The following IMMP2L variants were observed in gnomAD, a reference collection of about 807,000 sequenced individuals.
IMMP2L encodes mitochondrial inner membrane protease subunit 2.
A neutral mutation model predicts 19.3 loss-of-function variants in IMMP2L; 18 were observed. The observed-to-expected ratio is 0.93, with a 90% CI of 0.64 to 1.38. The LOEUF (loss-of-function observed/expected upper bound fraction) is 1.38. IMMP2L is among the 40% of genes most tolerant of loss of function. IMMP2L has a pLI of 0.00. For synonymous variants in IMMP2L, 76 were observed against 73.0 expected (o/e 1.04, Z -0.21); for missense variants, 233 against 218.2 (o/e 1.07, Z -0.43).
intron 3 of IMMP2L, among the ~76,000 whole-genome samples, chr7:111,342,190 T>A (rs1310788759): frequency 6.6e-6 from 1 of 152,158 alleles, no homozygotes; most frequent in African/African-American, 2.4e-5. Context: ...GAAGGTTAGA[T>A]TTGACTTATA....
At chr7:111,092,162 T>A (rs1796939183) in intron 3 of IMMP2L, among the ~76,000 whole-genome samples, 1 of 152,196 alleles carries the variant, frequency 6.6e-6, no homozygotes, top group Non-Finnish European at 1.5e-5. Context: ...GACTTCCCTT[T>A]AATAACATCC....
chr7:111,454,057 A>C (rs1839464944), intron 3 of IMMP2L, among the ~76,000 whole-genome samples: 1 of 152,190 alleles, frequency 6.6e-6, no homozygotes, highest in Non-Finnish European at 1.5e-5. Flanking sequence ...TTAATACATC[A>C]TCAAAGCATT....
In IMMP2L at chr7:110,865,563, G is replaced by C. The variant is rs189233648; in HGVS notation, c.408+21030C>G. On this transcript the variant is annotated intron_variant, in intron 5 of 5. Transcript: ENST00000405709. ...GGAAGAATCTTAGTAACAGATGGTG[G>C]AGCTTCTAGAGATAGATTAAATAAA... Among the ~76,000 whole-genome samples, 540 of 151,956 alleles carry C rather than the reference G, an allele frequency of 3.6e-3. 2 individuals carry two copies. Among genetic ancestry groups the C allele is most frequent in the Non-Finnish European group, 6.6e-3 (446 of 67,946 alleles).
intron 3 of IMMP2L, among the ~76,000 whole-genome samples, chr7:111,111,345 A>G (rs1029087918): frequency 2.4e-4 from 36 of 151,018 alleles, no homozygotes; most frequent in Non-Finnish European, 4.1e-4. Flanking sequence ...AAGGGCCTAC[A>G]TTGCCCATTA....
At chr7:111,367,334 C>G (rs139040352) in intron 3 of IMMP2L, among the ~76,000 whole-genome samples, 1 of 151,718 alleles carries the variant, frequency 6.6e-6, no homozygotes, top group Non-Finnish European at 1.5e-5. Context: ...AAAGGACATA[C>G]GCTAATAGGT....
chr7:111,513,986 G>T (rs1437893292), intron 2 of IMMP2L, among the ~76,000 whole-genome samples: 3 of 151,964 alleles, frequency 2.0e-5, no homozygotes, highest in South Asian at 2.1e-4. Flanking sequence ...AAAAAAGCTG[G>T]ACTCACAGAA....
chr7:110,958,085 T>C (rs1341239369), intron 4 of IMMP2L, among the ~76,000 whole-genome samples: 1 of 151,996 alleles, frequency 6.6e-6, no homozygotes, highest in Non-Finnish European at 1.5e-5. Flanking sequence ...TTAAATGATA[T>C]TTAACCTGAT....
chr7:111,318,175 T>A (rs1166767599), intron 3 of IMMP2L, among the ~76,000 whole-genome samples: 3 of 152,086 alleles, frequency 2.0e-5, no homozygotes, highest in Non-Finnish European at 4.4e-5. Context: ...AGTTAAAGAG[T>A]GAAGGAGGGC....
chr7:111,167,856 T>C (rs1341255535), intron 3 of IMMP2L, among the ~76,000 whole-genome samples: 1 of 151,962 alleles, frequency 6.6e-6, no homozygotes, highest in African/African-American at 2.4e-5. Context: ...TTCTGAGCTA[T>C]TGGGTATATG....
intron 3 of IMMP2L, among the ~76,000 whole-genome samples, chr7:111,242,580 C>G (rs943269697): frequency 6.6e-6 from 1 of 151,996 alleles, no homozygotes; most frequent in Non-Finnish European, 1.5e-5. Context: ...CTTTTTGCAT[C>G]GGCTGTATTT....
chr7:111,035,496 T>A (rs568202242), intron 3 of IMMP2L, among the ~76,000 whole-genome samples: 1 of 152,298 alleles, frequency 6.6e-6, no homozygotes, highest in African/African-American at 2.4e-5. Context: ...TAAATAGTGA[T>A]TGCTTCTACA....
chr7:110,686,820 T>TC (rs1793147929), intron 5 of IMMP2L, among the ~76,000 whole-genome samples: 2 of 152,180 alleles, frequency 1.3e-5, no homozygotes, highest in Admixed American at 1.3e-4. Flanking sequence ...ACCTTGTTTT[T>TC]CCCCAACTGC....
At chr7:110,807,786 G>T (rs1320749858) in intron 5 of IMMP2L, among the ~76,000 whole-genome samples, 1 of 151,968 alleles carries the variant, frequency 6.6e-6, no homozygotes, top group Non-Finnish European at 1.5e-5. Flanking sequence ...AATTCTGTAT[G>T]CAAATCTTGT....
intron 3 of IMMP2L, among the ~76,000 whole-genome samples, chr7:111,011,930 C>A (rs1825003945): frequency 6.6e-6 from 1 of 152,078 alleles, no homozygotes; most frequent in South Asian, 2.1e-4. Flanking sequence ...GTATTTCTCT[C>A]TGGGACTTCA....
At chr7:111,163,702 A>T (rs1324826033) in intron 3 of IMMP2L, among the ~76,000 whole-genome samples, 1 of 152,092 alleles carries the variant, frequency 6.6e-6, no homozygotes, top group Non-Finnish European at 1.5e-5. Context: ...TTTTGTGTGC[A>T]GCGCAGCCAG....
chr7:111,194,995 GTT>G (rs1809316882), intron 3 of IMMP2L, among the ~76,000 whole-genome samples: 1 of 151,952 alleles, frequency 6.6e-6, no homozygotes, highest in Non-Finnish European at 1.5e-5. Flanking sequence ...TCAGTGAATT[GTT>G]TTTAAAAACC....
intron 3 of IMMP2L, among the ~76,000 whole-genome samples, chr7:111,059,466 T>C (rs1793813758): frequency 6.6e-6 from 1 of 152,174 alleles, no homozygotes; most frequent in Non-Finnish European, 1.5e-5. Flanking sequence ...TTCCCCTCTA[T>C]AGCAAGTGAC....
At chr7:111,440,971 G>T (rs1246930704) in intron 3 of IMMP2L, among the ~76,000 whole-genome samples, 1 of 151,822 alleles carries the variant, frequency 6.6e-6, no homozygotes, top group East Asian at 1.9e-4. Flanking sequence ...ACTCAGCTCT[G>T]CTAGCTTCAA....
chr7:111,189,552 T>C (rs902412020), intron 3 of IMMP2L, among the ~76,000 whole-genome samples: 28 of 151,948 alleles, frequency 1.8e-4, no homozygotes, highest in African/African-American at 6.5e-4. Context: ...ACAGATAACC[T>C]AAGTCCTGAA....
Sources: gnomAD v4.1 joint callset for allele counts (sites outside exome capture counted in the v4.1 genomes callset) on GRCh38, gnomAD v4.1.1 for gene constraint, MANE v1.5 for transcripts, NCBI Gene and HGNC (gene_info 2026-07-23, HGNC 2026-07-21) for gene names.